The following OPCML variants were observed in gnomAD, a reference collection of about 807,000 sequenced individuals.
OPCML encodes the protein opioid binding protein/cell adhesion molecule like, also known as opioid-binding protein/cell adhesion molecule.
In OPCML, 13 loss-of-function variants were observed where a neutral mutation model predicts 37.8. The ratio of observed to expected loss-of-function variants is 0.34; its 90% confidence interval spans 0.22 to 0.55. The LOEUF is 0.55. Among genes scored for constraint, OPCML ranks in the 20% least tolerant of loss-of-function variants. The probability of loss-of-function intolerance (pLI) is 0.91; values close to 1 mark genes in which losing one functional copy is unlikely to be tolerated. For synonymous variants in OPCML, 176 were observed against 168.8 expected (o/e 1.04, Z -0.33); for missense variants, 341 against 435.6 (o/e 0.78, Z 1.93).
At chr11:132,948,876 A>G (rs1313600000) in intron 1 of OPCML, among the ~76,000 whole-genome samples, 2 of 152,208 alleles carry the variant, frequency 1.3e-5, no homozygotes, top group African/African-American at 4.8e-5. Flanking sequence ...TAGAGATTCT[A>G]CTCAGACCTA....
intron 1 of OPCML, among the ~76,000 whole-genome samples, chr11:133,265,385 G>A (rs927349513): frequency 2.0e-5 from 3 of 152,146 alleles, no homozygotes; most frequent in African/African-American, 4.8e-5. Flanking sequence ...GCTATCCATT[G>A]ATCAGCTCTG....
intron 2 of OPCML, among the ~76,000 whole-genome samples, chr11:132,689,562 T>C (rs1289994308): frequency 1.3e-5 from 2 of 152,244 alleles, no homozygotes; most frequent in African/African-American, 4.8e-5. Flanking sequence ...TTTGTTTAGC[T>C]GTATTTTTGA....
chr11:132,598,449 A>G (rs888456751), intron 3 of OPCML, among the ~76,000 whole-genome samples: 4 of 152,142 alleles, frequency 2.6e-5, no homozygotes, highest in South Asian at 2.1e-4. Context: ...ATAATTTCCA[A>G]CGCACGCCAT....
intron 2 of OPCML, among the ~76,000 whole-genome samples, chr11:132,867,666 T>C (rs1183169650): frequency 6.6e-6 from 1 of 152,152 alleles, no homozygotes; most frequent in Non-Finnish European, 1.5e-5. Context: ...GCTGAAGGGT[T>C]ATTCGTTTCT....
intron 2 of OPCML, among the ~76,000 whole-genome samples, chr11:132,742,561 C>G (rs1402237553): frequency 2.6e-5 from 4 of 152,008 alleles, no homozygotes; most frequent in African/African-American, 9.7e-5. Flanking sequence ...GCCTCTAGAA[C>G]TAGGAGAAAT....
At chr11:132,554,216 G>T (rs1328924017) in intron 3 of OPCML, among the ~76,000 whole-genome samples, 8 of 152,220 alleles carry the variant, frequency 5.3e-5, no homozygotes, top group African/African-American at 1.7e-4. Context: ...ATGTCAGTCT[G>T]CTGTTCCACA....
intron 1 of OPCML, among the ~76,000 whole-genome samples, chr11:133,293,166 G>A (rs1483126847): frequency 1.3e-5 from 2 of 152,134 alleles, no homozygotes; most frequent in African/African-American, 4.8e-5. Flanking sequence ...ACAAGAAGAA[G>A]AGACACGGGA....
At chr11:132,593,173 G>T (rs762428546) in intron 3 of OPCML, among the ~76,000 whole-genome samples, 106 of 152,176 alleles carry the variant, frequency 7.0e-4, no homozygotes, top group Non-Finnish European at 9.3e-4. Context: ...GTGAAGGTCT[G>T]GGAGGAGAAC....
At chr11:133,384,134 C>T (rs1265525525) in intron 1 of OPCML, among the ~76,000 whole-genome samples, 1 of 151,260 alleles carries the variant, frequency 6.6e-6, no homozygotes, top group Non-Finnish European at 1.5e-5. Flanking sequence ...CAGCCCACTC[C>T]AGCTATATGA....
intron 4 of OPCML, among the ~76,000 whole-genome samples, chr11:132,513,568 T>G (rs902746234): frequency 1.3e-5 from 2 of 152,208 alleles, no homozygotes; most frequent in Non-Finnish European, 2.9e-5. Context: ...AAAATGAATT[T>G]TATCCTTCTA....
chr11:132,468,583 T>A (rs930465973), intron 4 of OPCML, among the ~76,000 whole-genome samples: 6 of 152,210 alleles, frequency 3.9e-5, no homozygotes, highest in South Asian at 2.1e-4. Flanking sequence ...TAGCCTTTTT[T>A]AAAAAAATTG....
intron 1 of OPCML, chr11:133,003,677 C>T: frequency 1.0e-6 from 1 of 985,256 alleles, no homozygotes; most frequent in Non-Finnish European, 1.2e-6. Context: ...AACAAAATAC[C>T]CAGCATTCTA....
intron 1 of OPCML, among the ~76,000 whole-genome samples, chr11:133,112,175 G>C (rs1949263907): frequency 1.3e-5 from 2 of 150,464 alleles, no homozygotes; most frequent in Non-Finnish European, 2.9e-5. Context: ...TATTAATCTT[G>C]GGAGTATGGT....
At chr11:133,501,159 G>A (rs768746918) in intron 1 of OPCML, among the ~76,000 whole-genome samples, 3 of 152,142 alleles carry the variant, frequency 2.0e-5, no homozygotes, top group African/African-American at 2.4e-5. Flanking sequence ...AGGGATCACC[G>A]CAAACAGAAC....
chr11:133,039,130 CCA>C (rs1355281530), intron 1 of OPCML, among the ~76,000 whole-genome samples: 3 of 152,164 alleles, frequency 2.0e-5, no homozygotes, highest in Admixed American at 2.0e-4. Flanking sequence ...AGAGTGCATT[CCA>C]CAGGCGGAGG....
intron 1 of OPCML, among the ~76,000 whole-genome samples, chr11:133,508,940 C>T (rs1003828598): frequency 3.9e-5 from 6 of 152,068 alleles, no homozygotes; most frequent in African/African-American, 1.4e-4. Flanking sequence ...CTAACTTATG[C>T]TCAACCCTTT....
chr11:133,360,710 G>A (rs929164253), intron 1 of OPCML: 3 of 152,198 alleles, frequency 2.0e-5, no homozygotes. Flanking sequence ...CTTCTTTCTC[G>A]TTATTCATTG....
chr11:132,888,535 G>A (rs1943510979), intron 2 of OPCML, among the ~76,000 whole-genome samples: 1 of 152,178 alleles, frequency 6.6e-6, no homozygotes, highest in Non-Finnish European at 1.5e-5. Flanking sequence ...AGCAGGAAAA[G>A]GGAAAGGAAA....
intron 1 of OPCML, among the ~76,000 whole-genome samples, chr11:133,401,445 T>G (rs890514186): frequency 2.0e-5 from 3 of 152,150 alleles, no homozygotes; most frequent in Non-Finnish European, 4.4e-5. Flanking sequence ...AATATTATTA[T>G]TATAATTTTC....
Sources: allele counts gnomAD v4.1 joint callset (sites outside exome capture counted in the v4.1 genomes callset), GRCh38; gene constraint gnomAD v4.1.1; transcripts MANE v1.5; gene names NCBI Gene and HGNC (gene_info 2026-07-23, HGNC 2026-07-21).